Variants in DNAH6 observed in about 807,000 individuals in gnomAD.
DNAH6 encodes the protein axonemal beta dynein heavy chain 6.
DNAH6 carries 340 observed loss-of-function variants against 491.4 expected under a neutral mutation model. The ratio of observed to expected loss-of-function variants is 0.69; its 90% CI spans 0.63 to 0.76. The LOEUF (loss-of-function observed/expected upper bound fraction) is 0.76. DNAH6 is among the 30% of genes least tolerant of loss of function. The pLI, the probability that DNAH6 is intolerant of heterozygous loss-of-function variation, is 0.00. For missense variants in DNAH6, 4,443 were observed against 4,972.2 expected, an observed-to-expected ratio of 0.89 and a Z score of 3.20; for synonymous variants, 1,603 against 1,686.1, an observed-to-expected ratio of 0.95 and a Z score of 1.21.
intron 18 of DNAH6, among the ~76,000 whole-genome samples, chr2:84,601,053 T>C (rs1685188957): frequency 6.7e-6 from 1 of 148,214 alleles, no homozygotes; most frequent in Admixed American, 6.8e-5. Flanking sequence ...AATAATAATG[T>C]TATTATTATA....
intron 58 of DNAH6, 50 bp from the exon 59 acceptor site, chr2:84,718,154 T>A (rs1394440848): frequency 1.4e-6 from 2 of 1,417,686 alleles, no homozygotes; most frequent in Non-Finnish European, 1.9e-6. Context: ...TAGAAGCAAC[T>A]TTGAGGCACT....
intron 2 of DNAH6, among the ~76,000 whole-genome samples, chr2:84,518,891 T>A (rs1466318301): frequency 6.6e-6 from 1 of 152,034 alleles, no homozygotes; most frequent in East Asian, 1.9e-4. Flanking sequence ...AGTAACTATT[T>A]AAAAAATAAG....
chr2:84,595,723 A>G lies in DNAH6; in HGVS notation c.2802A>G (p.Glu934=). 6.4e-7 allele frequency: 1 copy of G among 1,551,516 alleles called. No homozygotes were observed. The highest frequency in any genetic ancestry group is 8.7e-7 in the Non-Finnish European group (1 of 1,146,886). The change falls in exon 18 of 77, where the codon GAA becomes GAG. Residue 934 remains glutamate (E), a synonymous_variant. Transcript: ENST00000389394. ...SKYAKFVTQL[E]KGLPPNSVVP... is the part of the protein sequence containing the mutation. Reference sequence around the variant, plus strand: ...ATGCTAAATTTGTGACTCAACTGGAAAAAGGCTTGCCACCCAACAGTGTAG... The same window carrying G: ...ATGCTAAATTTGTGACTCAACTGGAGAAAGGCTTGCCACCCAACAGTGTAG...
At chr2:84,558,627 A>T (rs760482961) in intron 11 of DNAH6, among the ~76,000 whole-genome samples, 4 of 152,166 alleles carry the variant, frequency 2.6e-5, no homozygotes, top group Non-Finnish European at 5.9e-5. Context: ...ATGTTTTGTT[A>T]AAACAAAAAC....
At chr2:84,756,154 T>A (rs1192087904) in intron 63 of DNAH6, among the ~76,000 whole-genome samples, 2 of 152,212 alleles carry the variant, frequency 1.3e-5, no homozygotes, top group Non-Finnish European at 2.9e-5. Context: ...CTTATCAGGT[T>A]GAGGAAGTTC....
At chr2:84,607,362 C>T (rs1191604706) in intron 21 of DNAH6, among the ~76,000 whole-genome samples, 1 of 151,990 alleles carries the variant, frequency 6.6e-6, no homozygotes, top group East Asian at 1.9e-4. Flanking sequence ...ACCATGATAA[C>T]CCAAATGTTG....
At chr2:84,484,072 G>A in the DNAH6 span, among the ~76,000 whole-genome samples, 2 of 152,122 alleles carry the variant, frequency 1.3e-5, no homozygotes, top group African/African-American at 4.8e-5. Flanking sequence ...CTGGGGTAGG[G>A]TATAACTACT....
chr2:84,734,930 G>C (rs995622125), intron 62 of DNAH6, among the ~76,000 whole-genome samples: 2 of 151,988 alleles, frequency 1.3e-5, no homozygotes, highest in African/African-American at 4.8e-5. Context: ...CAGGGAGTAC[G>C]TGTGCTGGTT....
At chr2:84,667,071 C>A (rs1265533033) in intron 37 of DNAH6, among the ~76,000 whole-genome samples, 6 of 152,230 alleles carry the variant, frequency 3.9e-5, no homozygotes, top group East Asian at 1.9e-4. Flanking sequence ...TGGATCCCTT[C>A]CTTACACCTT....
At chr2:84,769,195 G>A (rs900220343) in intron 64 of DNAH6, among the ~76,000 whole-genome samples, 12 of 152,206 alleles carry the variant, frequency 7.9e-5, no homozygotes, top group East Asian at 3.9e-4. Context: ...GGATCCAGCC[G>A]CTGAGAAGGG....
At chr2:84,493,021 T>A in the DNAH6 span, among the ~76,000 whole-genome samples, 28 of 152,118 alleles carry the variant, frequency 1.8e-4, no homozygotes, top group African/African-American at 6.7e-4. Context: ...TTTTTCTATA[T>A]ACTACATGTA....
rs966101638 is a variant in DNAH6 at position 84,563,890 on chromosome 2, G to C, written c.1803+5955G>C. 4.6e-5 allele frequency among the ~76,000 whole-genome samples: 7 copies of C among 152,260 alleles called. No homozygotes were observed. In the South Asian group the frequency reaches 1.5e-3, roughly 32 times the overall value. ...TTTTTGTATATTAGGAAAGGTAGAG[G>C]TGCAGTTTCTTTCTTCTGCATATGG... On this transcript the variant is annotated intron_variant, in intron 11 of 76. Transcript: ENST00000389394.
intron 16 of DNAH6, among the ~76,000 whole-genome samples, chr2:84,590,116 G>T (rs769658850): frequency 6.6e-6 from 1 of 152,078 alleles, no homozygotes; most frequent in South Asian, 2.1e-4. Flanking sequence ...TGAGTTCAAA[G>T]TTGTTCCCAG....
At chr2:84,786,839 A>G (rs560610002) in intron 67 of DNAH6, among the ~76,000 whole-genome samples, 1 of 152,334 alleles carries the variant, frequency 6.6e-6, no homozygotes. Flanking sequence ...TTTTATGCCA[A>G]AAGACTGTAG....
chr2:84,606,176 C>A (rs956953142), intron 20 of DNAH6, among the ~76,000 whole-genome samples: 7 of 152,160 alleles, frequency 4.6e-5, no homozygotes, highest in Non-Finnish European at 7.3e-5. Context: ...GGAGCTGGGT[C>A]ACATAGCCCA....
At chr2:84,793,703 C>T (rs902967675) in intron 68 of DNAH6, among the ~76,000 whole-genome samples, 7 of 152,100 alleles carry the variant, frequency 4.6e-5, no homozygotes, top group Admixed American at 2.6e-4. Flanking sequence ...TTGGAATTGC[C>T]GATACAGGGA....
chr2:84,602,479 TCC>T lies in DNAH6; in HGVS notation c.2869-1858_2869-1857del, dbSNP rs1274768904. ...TTCTCATTGTTCTATAGATGTTGTG[TCC>T]CTTTTTTTTTTTTTTTTTTTTTTTT... On this transcript the variant is annotated intron_variant, in intron 18 of 76. Coordinates refer to ENST00000389394, the MANE Select transcript of DNAH6 (RefSeq NM_001370.2). Among the ~76,000 whole-genome samples, 157 of 133,740 alleles carry T rather than the reference TCC, an allele frequency of 1.2e-3. 3 individuals are homozygous for T. Among genetic ancestry groups the T allele is most frequent in the African/African-American group, 4.2e-3 (148 of 35,390 alleles). The allele number at this position is 133,740 out of a possible 152,430, so 87.7% of individuals were successfully genotyped here.
rs542462776 is a variant in DNAH6 at position 84,698,568 on chromosome 2, T to C, written c.7677+841T>C. ...ATCAGCCGCCAGCTCCAGAGCCATG[T>C]GTCCTCCATCACATCAGGAAGCAGC... On this transcript the variant is annotated intron_variant, in intron 47 of 76. Transcript: ENST00000389394. 9.2e-5 allele frequency among the ~76,000 whole-genome samples: 14 copies of C among 152,312 alleles called. 1 individual carries two copies. The South Asian group carries it at 2.7e-3, about 29-fold the overall frequency.
In DNAH6 at chr2:84,544,274, C is replaced by T. The variant is rs1468588737; in HGVS notation, c.704C>T (p.Thr235Ile). The T allele has an allele frequency of 4.0e-6, 6 of 1,510,728 alleles. No individual in the cohort carries two copies. Among genetic ancestry groups the T allele is most frequent in the African/African-American group, 1.4e-5 (1 of 72,274 alleles). 93.6% of individuals were successfully genotyped at this position (1,510,728 alleles called of 1,614,324 possible). Residue 235 changes from threonine to isoleucine, a missense_variant, in exon 5 of 77, where the codon ACT becomes ATT. Coordinates refer to ENST00000389394, the MANE Select transcript of DNAH6 (RefSeq NM_001370.2). ...YENINKNDYYTISQRAVTHIY... is the reference protein window; with the variant it reads ...YENINKNDYYIISQRAVTHIY... ...AACATCAATAAAAATGACTACTATA[C>T]TATTAGCCAAAGGGCAGTAACACAC...
Sources: gnomAD v4.1 joint callset for allele counts (sites outside exome capture counted in the v4.1 genomes callset) on GRCh38, gnomAD v4.1.1 for gene constraint, MANE v1.5 for transcripts, NCBI Gene and HGNC (gene_info 2026-07-23, HGNC 2026-07-21) for gene names.